Variants in ENPP3 observed in about 807,000 individuals in gnomAD.
ENPP3 encodes ectonucleotide pyrophosphatase/phosphodiesterase 3.
ENPP3 carries 104 observed loss-of-function variants against 117.8 expected under a neutral mutation model. The observed-to-expected ratio is 0.88, with a 90% CI of 0.75 to 1.04. The LOEUF (loss-of-function observed/expected upper bound fraction) is 1.04. Among genes scored for constraint, ENPP3 ranks in the 50% least tolerant of loss-of-function variants. The pLI is 0.00. For missense variants in ENPP3, 1,026 were observed against 1,051.9 expected (o/e 0.98, Z 0.34); for synonymous variants, 380 against 349.9 (o/e 1.09, Z -0.96).
chr6:131,687,943 A>G (rs1779189231), intron 14 of ENPP3, among the ~76,000 whole-genome samples: 1 of 151,878 alleles, frequency 6.6e-6, no homozygotes, highest in Non-Finnish European at 1.5e-5. Flanking sequence ...GCTTCACTGC[A>G]TTGTGCTTTC....
At chr6:131,690,299 A>C (rs55931014) in intron 14 of ENPP3, among the ~76,000 whole-genome samples, 1 of 152,122 alleles carries the variant, frequency 6.6e-6, no homozygotes, top group East Asian at 1.9e-4. Flanking sequence ...AGCCACCTTC[A>C]TTTCTGTCTC....
rs529985548 is a variant in ENPP3, at chr6:131,693,572, G to C, written c.1360G>C (p.Val454Leu). 13 of 1,613,802 alleles carry C rather than the reference G, an allele frequency of 8.1e-6. No individual in the cohort carries two copies. The highest frequency in any genetic ancestry group is 1.1e-5 in the Non-Finnish European group (13 of 1,179,860). ...LPKRLHYAKN[V>L]RIDKVHLFVD... ...AAAGCGACTGCACTATGCCAAGAAC[G>C]TCAGAATCGACAAAGTTCATCTCTT... Residue 454 changes from valine to leucine, a missense_variant, in exon 15 of 25, where the codon GTC becomes CTC. By Grantham distance (32) the Val-to-Leu change is conservative. Transcript: ENST00000357639.
At chr6:131,693,137 C>CA (rs1779326120) in intron 14 of ENPP3, among the ~76,000 whole-genome samples, 1 of 145,456 alleles carries the variant, frequency 6.9e-6, no homozygotes, top group African/African-American at 2.5e-5. Flanking sequence ...ACACACACAC[C>CA]CCCAGGAATA....
chr6:131,637,478 A>G lies in ENPP3; in HGVS notation c.78+16A>G, dbSNP rs1373824169. On this transcript the variant is annotated intron_variant, in intron 1 of 24. Transcript: ENST00000357639. ...AGCTTGCATTGTAAGTACAATTCTT[A>G]TTTTTAGTCTTTCTAGTTTTGTGAC... 4 of 1,376,108 alleles carry G rather than the reference A, an allele frequency of 2.9e-6. No individual in the cohort carries two copies. The Admixed American group carries it at 7.9e-5, about 27-fold the overall frequency. 85.2% of individuals were successfully genotyped at this position (1,376,108 alleles called of 1,614,324 possible). A position where few individuals can be genotyped will look rare whatever the true frequency, so the allele number is the denominator to read the frequency against.
chr6:131,648,077 A>G (rs1479725706), intron 2 of ENPP3, among the ~76,000 whole-genome samples: 2 of 152,042 alleles, frequency 1.3e-5, no homozygotes, highest in African/African-American at 4.8e-5. Flanking sequence ...GTGAATTTAT[A>G]CTACGAACAA....
chr6:131,707,358 A>G (rs1182392133), intron 15 of ENPP3, among the ~76,000 whole-genome samples: 1 of 78,098 alleles, frequency 1.3e-5, no homozygotes, highest in Non-Finnish European at 2.1e-5. Flanking sequence ...GCTAAATTTT[A>G]TTAATCTTTT....
At chr6:131,702,122 A>G (rs1424660548) in intron 15 of ENPP3, among the ~76,000 whole-genome samples, 3 of 152,112 alleles carry the variant, frequency 2.0e-5, no homozygotes, top group Admixed American at 2.0e-4. Context: ...ATATCCTTCA[A>G]ATAAATTCTT....
chr6:131,720,231 C>T (rs80314877), intron 16 of ENPP3, 61 bp from the exon 17 acceptor site: 1 of 1,060,904 alleles, frequency 9.4e-7, no homozygotes, highest in Admixed American at 2.3e-5. Flanking sequence ...TTGTCTCTTC[C>T]TATATTTGTT....
At chr6:131,722,813 A>G (rs781117362) in intron 18 of ENPP3, among the ~76,000 whole-genome samples, 3 of 152,150 alleles carry the variant, frequency 2.0e-5, no homozygotes, top group Non-Finnish European at 2.9e-5. Flanking sequence ...GCTGTTTGAC[A>G]TACCCACTAG....
chr6:131,685,714 A>G (rs1779140478), intron 13 of ENPP3, among the ~76,000 whole-genome samples, 162 bp from the exon 14 acceptor site: 1 of 152,228 alleles, frequency 6.6e-6, no homozygotes, highest in Non-Finnish European at 1.5e-5. Flanking sequence ...ACTCAGTTCT[A>G]AATGCTAAAA....
chr6:131,678,659 A>G (rs569313337), intron 11 of ENPP3, among the ~76,000 whole-genome samples: 4 of 152,362 alleles, frequency 2.6e-5, no homozygotes, highest in Admixed American at 6.5e-5. Flanking sequence ...GAATGCAAGC[A>G]TATTCGCTCT....
intron 15 of ENPP3, among the ~76,000 whole-genome samples, chr6:131,702,014 T>C (rs1471759542): frequency 6.6e-6 from 1 of 152,184 alleles, no homozygotes; most frequent in African/African-American, 2.4e-5. Context: ...TATATCCTTT[T>C]GGTCTTTTTT....
At chr6:131,663,167 T>C (rs1256531743) in intron 6 of ENPP3, among the ~76,000 whole-genome samples, 1 of 151,738 alleles carries the variant, frequency 6.6e-6, no homozygotes, top group Non-Finnish European at 1.5e-5. Flanking sequence ...TTTTTTTTTT[T>C]CTTGCCTAAT....
intron 1 of ENPP3, among the ~76,000 whole-genome samples, chr6:131,638,965 T>A (rs2114275374): frequency 6.6e-6 from 1 of 152,070 alleles, no homozygotes; most frequent in East Asian, 1.9e-4. Context: ...CTAGCCTGTT[T>A]CAAATGCCTG....
chr6:131,701,896 A>AAGAT (rs1779543747), intron 15 of ENPP3, among the ~76,000 whole-genome samples: 1 of 150,828 alleles, frequency 6.6e-6, no homozygotes, highest in Non-Finnish European at 1.5e-5. Context: ...AAAAAAAAAA[A>AAGAT]AAGAAAAGAA....
chr6:131,728,901 T>G (rs532093843), intron 20 of ENPP3, among the ~76,000 whole-genome samples: 1 of 152,314 alleles, frequency 6.6e-6, no homozygotes, highest in Admixed American at 6.5e-5. Context: ...AAGGAAGATA[T>G]GCACTAGTGT....
intron 12 of ENPP3, 40 bp downstream of exon 12, chr6:131,683,202 T>A: frequency 9.4e-7 from 1 of 1,069,184 alleles, no homozygotes; most frequent in Non-Finnish European, 1.4e-6. Flanking sequence ...TCATTGACTA[T>A]AATTTATCAC....
chr6:131,685,202 C>T (rs1262277638), intron 12 of ENPP3, among the ~76,000 whole-genome samples, 162 bp from the exon 13 acceptor site: 3 of 152,206 alleles, frequency 2.0e-5, no homozygotes, highest in Non-Finnish European at 4.4e-5. Context: ...TCCACTGCCA[C>T]AATTTTCTGC....
chr6:131,724,060 G>C lies in ENPP3; in HGVS notation c.1767G>C (p.Val589=). 1 of 1,612,310 alleles carries C rather than the reference G, an allele frequency of 6.2e-7. No homozygotes were observed. Residue 589 remains valine (V), a synonymous_variant, in exon 19 of 25, where the codon GTG becomes GTC. Transcript: ENST00000357639. The stretch of plus-strand genomic sequence containing the variant: ...TGCAGAGTACTCAGCTGGAACAAGT[G>C]AATCAGATGCTAAATCTCACCCAAG... ...HLQNSTQLEQ[V]NQMLNLTQEE...
Sources: gnomAD v4.1 joint callset for allele counts (sites outside exome capture counted in the v4.1 genomes callset) on GRCh38, gnomAD v4.1.1 for gene constraint, MANE v1.5 for transcripts, NCBI Gene and HGNC (gene_info 2026-07-23, HGNC 2026-07-21) for gene names.